IFNG-AS1: variants seen among roughly 807,000 people sequenced by gnomAD.
IFNG-AS1 encodes the protein IFNG regulatory antisense RNA 1, also known as IFNG antisense RNA 1 (non-protein coding).
At chr12:68,015,227 G>A (rs532906127) in intron 3 of IFNG-AS1, among the ~76,000 whole-genome samples, 4 of 152,088 alleles carry the variant, frequency 2.6e-5, no homozygotes, top group Non-Finnish European at 4.4e-5. Flanking sequence ...GCTTCAACTC[G>A]GGGCTGGATT....
chr12:67,991,733 A>C (rs930688483), intron 1 of IFNG-AS1, among the ~76,000 whole-genome samples: 2 of 152,216 alleles, frequency 1.3e-5, no homozygotes, highest in African/African-American at 2.4e-5. Context: ...ATGCCCTCAC[A>C]TGACTCCTCT....
chr12:68,008,838 G>A (rs936290676), intron 3 of IFNG-AS1, among the ~76,000 whole-genome samples: 11 of 152,188 alleles, frequency 7.2e-5, no homozygotes, highest in Non-Finnish European at 4.4e-5. Flanking sequence ...GTCACAGGGT[G>A]ACAGCTACCT....
chr12:68,003,300 G>A (rs989072158), intron 2 of IFNG-AS1, among the ~76,000 whole-genome samples: 3 of 152,096 alleles, frequency 2.0e-5, no homozygotes, highest in African/African-American at 4.8e-5. Flanking sequence ...TTCCTATCCA[G>A]GCTGTTCTTA....
chr12:67,999,183 TGATA>T (rs746711163), intron 2 of IFNG-AS1, among the ~76,000 whole-genome samples: 7 of 152,224 alleles, frequency 4.6e-5, no homozygotes, highest in Middle Eastern at 6.8e-3. Context: ...GATAGATAAA[TGATA>T]GATAGATAAT....
chr12:68,001,142 G>A (rs1879758725), intron 2 of IFNG-AS1, among the ~76,000 whole-genome samples: 1 of 152,082 alleles, frequency 6.6e-6, no homozygotes, highest in Admixed American at 6.6e-5. Context: ...GTATACATAT[G>A]TGTGTGTATA....
Position 67,996,033 on chromosome 12 carries a change from T to C in IFNG-AS1, n.144T>C, listed in dbSNP as rs2120420091. 2.0e-5 allele frequency: 3 copies of C among 152,280 alleles called. No individual in the cohort carries two copies. The East Asian group carries it at 5.8e-4, about 29-fold the overall frequency. 9.4% of individuals were successfully genotyped at this position (152,280 alleles called of 1,614,324 possible). On this transcript the variant is annotated non_coding_transcript_exon_variant, in exon 2 of 6. Coordinates refer to ENST00000536914, the Ensembl canonical transcript of IFNG-AS1. Reference sequence around the variant, plus strand: ...TCCTCATGCAGGGAAGAAGAAAATATTCTAAAGAAGAGATAAGCATATTCC... The same window carrying C: ...TCCTCATGCAGGGAAGAAGAAAATACTCTAAAGAAGAGATAAGCATATTCC...
chr12:68,006,829 C>T (rs1879916491), intron 3 of IFNG-AS1, among the ~76,000 whole-genome samples: 1 of 152,196 alleles, frequency 6.6e-6, no homozygotes, highest in Admixed American at 6.5e-5. Flanking sequence ...CTTTGAAACT[C>T]ACATGAGACC....
intron 2 of IFNG-AS1, chr12:68,001,485 G>C (rs1481043940): frequency 3.9e-6 from 1 of 258,572 alleles, no homozygotes; most frequent in Non-Finnish European, 7.7e-6. Context: ...TAGGGAATGG[G>C]ATGATTTTGC....
At chr12:68,012,766 G>A (rs1880063592) in intron 3 of IFNG-AS1, among the ~76,000 whole-genome samples, 2 of 152,116 alleles carry the variant, frequency 1.3e-5, no homozygotes, top group African/African-American at 2.4e-5. Flanking sequence ...CCAGCCTGTG[G>A]GCATTTTAAT....
chr12:68,013,696 C>T (rs1455451678), intron 3 of IFNG-AS1: 2 of 152,182 alleles, frequency 1.3e-5, no homozygotes, highest in Admixed American at 6.5e-5. Flanking sequence ...GTAGATAGCC[C>T]TCCATTTCAT....
In IFNG-AS1 at chr12:68,012,263, G is replaced by A. The variant is rs115567703; in HGVS notation, n.241+6117G>A. On this transcript the variant is annotated intron_variant and non_coding_transcript_variant, in intron 3 of 5. Coordinates refer to ENST00000536914, the Ensembl canonical transcript of IFNG-AS1. ...CTAGGGAAAGCTTTTATCTGCCACC[G>A]GCCAGGACTGGAGAGATGAGTTTGC... Among the ~76,000 whole-genome samples the A allele has an allele frequency of 4.7e-3, 714 of 152,134 alleles. 7 individuals are homozygous for A. Among genetic ancestry groups the A allele is most frequent in the African/African-American group, 0.015 (639 of 41,482 alleles).
chr12:68,011,640 A>T lies in IFNG-AS1; in HGVS notation n.241+5494A>T, dbSNP rs558368375. Among the ~76,000 whole-genome samples, 8 of 152,338 alleles carry T rather than the reference A, an allele frequency of 5.3e-5. No individual in the cohort carries two copies. In the East Asian group the frequency reaches 1.5e-3, roughly 29 times the overall value. ...TACTTCCCACTTAATGAGAAAACTC[A>T]AATGCAGACTGAACTTGGGAGTGCT... On this transcript the variant is annotated intron_variant and non_coding_transcript_variant, in intron 3 of 5. Transcript: ENST00000536914.
chr12:67,997,382 C>A (rs1267080262), intron 2 of IFNG-AS1, among the ~76,000 whole-genome samples: 8 of 152,110 alleles, frequency 5.3e-5, no homozygotes, highest in South Asian at 2.1e-4. Context: ...AGTGACATCA[C>A]AAAATTGCTG....
chr12:67,995,120 G>A (rs1209865900), intron 1 of IFNG-AS1, among the ~76,000 whole-genome samples: 2 of 152,090 alleles, frequency 1.3e-5, no homozygotes, highest in African/African-American at 4.8e-5. Context: ...GAGAGAAAGT[G>A]CCTTTTAGAA....
At chr12:68,018,788 T>TA (rs34040071) in intron 3 of IFNG-AS1, among the ~76,000 whole-genome samples, 18 of 6,776 alleles carry the variant, frequency 2.7e-3, no homozygotes, top group South Asian at 0.038. Context: ...ATATATATAT[T>TA]TTTTTTTATT....
At chr12:67,993,204 A>T (rs183864412) in intron 1 of IFNG-AS1, among the ~76,000 whole-genome samples, 30 of 152,344 alleles carry the variant, frequency 2.0e-4, no homozygotes, top group Admixed American at 5.2e-4. Flanking sequence ...CATTGGGCAG[A>T]TGAAAGTTCC....
At chr12:67,998,870 A>T (rs1449134247) in intron 2 of IFNG-AS1, among the ~76,000 whole-genome samples, 1 of 152,200 alleles carries the variant, frequency 6.6e-6, no homozygotes, top group East Asian at 1.9e-4. Flanking sequence ...AACATTTTAC[A>T]TTAGTTTGCA....
At chr12:68,002,071 C>A (rs143378832) in intron 2 of IFNG-AS1, among the ~76,000 whole-genome samples, 91 of 152,280 alleles carry the variant, frequency 6.0e-4, no homozygotes, top group Non-Finnish European at 1.1e-3. Flanking sequence ...TGTTTCCTCT[C>A]CCGGTAATGT....
chr12:68,011,758 C>T (rs1313771199), intron 3 of IFNG-AS1, among the ~76,000 whole-genome samples: 1 of 152,144 alleles, frequency 6.6e-6, no homozygotes. Context: ...TCAGCAAGGG[C>T]CAAAATCAAT....
Sources: allele counts gnomAD v4.1 joint callset (sites outside exome capture counted in the v4.1 genomes callset), GRCh38; gene constraint gnomAD v4.1.1; transcripts MANE v1.5; gene names NCBI Gene and HGNC (gene_info 2026-07-23, HGNC 2026-07-21).